Variants in PKHD1 observed in about 807,000 individuals in gnomAD.
The protein encoded by PKHD1 is PKHD1 ciliary IPT domain containing fibrocystin/polyductin, also known as fibrocystin.
In PKHD1, 291 loss-of-function variants were observed where a neutral mutation model predicts 412.0. The observed-to-expected ratio is 0.71, with a 90% CI of 0.64 to 0.78. The LOEUF (loss-of-function observed/expected upper bound fraction) is 0.78. Ranked by LOEUF, PKHD1 falls within the 30% of genes least tolerant of loss-of-function variation. The pLI, the probability that PKHD1 is intolerant of heterozygous loss-of-function variation, is 0.00. For missense variants in PKHD1, 4,825 were observed against 4,950.7 expected (o/e 0.97, Z 0.76); for synonymous variants, 1,777 against 1,821.5 (o/e 0.98, Z 0.62).
At chr6:51,692,350 C>T (rs760036927) in intron 60 of PKHD1, among the ~76,000 whole-genome samples, 1 of 151,712 alleles carries the variant, frequency 6.6e-6, no homozygotes, top group Non-Finnish European at 1.5e-5. Flanking sequence ...CTTAATTGAG[C>T]CTTCAGTACT....
intron 33 of PKHD1, among the ~76,000 whole-genome samples, chr6:52,021,180 T>G (rs1801344696): frequency 6.6e-6 from 1 of 152,232 alleles, no homozygotes; most frequent in South Asian, 2.1e-4. Flanking sequence ...AGTGGCCATA[T>G]AAATAGTTAC....
chr6:51,810,735 A>T (rs1366218778), intron 52 of PKHD1, among the ~76,000 whole-genome samples: 2 of 152,188 alleles, frequency 1.3e-5, no homozygotes, highest in Non-Finnish European at 2.9e-5. Flanking sequence ...AAAGACACAG[A>T]GTAGTATAGG....
At chr6:51,885,510 G>A (rs557555415) in intron 45 of PKHD1, among the ~76,000 whole-genome samples, 77 of 152,210 alleles carry the variant, frequency 5.1e-4, no homozygotes, top group African/African-American at 1.5e-3. Flanking sequence ...GTCCCTTCCC[G>A]TTCTTAGCCT....
At chr6:51,903,860 T>TATATATATATATATA (rs1562581856) in intron 42 of PKHD1, 126 bp downstream of exon 42, 1 of 413,920 alleles carries the variant, frequency 2.4e-6, no homozygotes, top group African/African-American at 2.3e-5. Flanking sequence ...TATATATATA[T>TATATATATATATATA]TTAGAAAATA....
chr6:51,923,097 T>A (rs993661911), intron 37 of PKHD1, among the ~76,000 whole-genome samples: 12 of 152,194 alleles, frequency 7.9e-5, no homozygotes, highest in Non-Finnish European at 1.8e-4. Flanking sequence ...TTGCCAAATT[T>A]TTAAGGTAAC....
At chr6:51,718,426 G>A (rs759678958) in intron 60 of PKHD1, among the ~76,000 whole-genome samples, 9 of 152,150 alleles carry the variant, frequency 5.9e-5, no homozygotes, top group Non-Finnish European at 8.8e-5. Context: ...TGTGTCTTAC[G>A]TTTCAACTAA....
chr6:51,830,940 T>A lies in PKHD1; in HGVS notation c.8223A>T (p.Thr2741=), dbSNP rs749978658. The A allele has an allele frequency of 2.5e-6, 4 of 1,611,986 alleles. No homozygotes were observed. Among genetic ancestry groups the A allele is most frequent in the Non-Finnish European group, 3.4e-6 (4 of 1,178,332 alleles). ...CCCAGCCTTCTTCAACACCTTGCCA[T>A]GTTTCAGGGAGGGACCATTTTAAAG... ...ESALKWSLPE[T]WQGVEEGWGG... The change falls in exon 52 of 67, where the codon ACA becomes ACT. Residue 2741 remains threonine (T), a synonymous_variant. Coordinates refer to ENST00000371117, the MANE Select transcript of PKHD1 (RefSeq NM_138694.4).
At chr6:51,827,277 G>A (rs565733908) in intron 52 of PKHD1, among the ~76,000 whole-genome samples, 1 of 152,200 alleles carries the variant, frequency 6.6e-6, no homozygotes, top group South Asian at 2.1e-4. Context: ...GAAAAATGAA[G>A]GAAAAGAGCA....
rs776468962 is a variant in PKHD1, at chr6:52,024,583, C to G, written c.5227G>C (p.Glu1743Gln). 1.9e-6 allele frequency: 3 copies of G among 1,614,028 alleles called. No homozygotes were observed. Among genetic ancestry groups the G allele is most frequent in the Non-Finnish European group, 2.5e-6 (3 of 1,179,988 alleles). The change falls in exon 32 of 67, where the codon GAG (glutamate) becomes CAG (glutamine). Residue 1743 changes from glutamate (E) to glutamine (Q), a missense_variant. Glu to Gln is a conservative substitution (Grantham distance 29, BLOSUM62 2). Transcript: ENST00000371117. ...TATTTGCTTGACTTACCGAAGTTCT[C>G]CGTCACTGCTGTAATAATAACTCTT... Reference protein sequence around the residue: ...TSRVIITAVTENFGCLGGRLV... With the variant: ...TSRVIITAVTQNFGCLGGRLV...
intron 43 of PKHD1, among the ~76,000 whole-genome samples, chr6:51,892,396 T>C (rs1231136117): frequency 6.6e-6 from 1 of 152,212 alleles, no homozygotes; most frequent in Non-Finnish European, 1.5e-5. Context: ...CTACGGAACA[T>C]TTAACAGCCT....
chr6:51,838,283 A>G (rs1769589185), intron 50 of PKHD1, among the ~76,000 whole-genome samples: 1 of 152,200 alleles, frequency 6.6e-6, no homozygotes, highest in African/African-American at 2.4e-5. Flanking sequence ...ATGAGACCAG[A>G]TATTGCTAGA....
At chr6:52,042,750 A>C (rs1805117529) in intron 27 of PKHD1, 109 bp downstream of exon 27, 2 of 982,202 alleles carry the variant, frequency 2.0e-6, no homozygotes, top group South Asian at 2.7e-5. Flanking sequence ...AACAAAAGAC[A>C]GTGAGTCACA....
chr6:51,841,212 T>C (rs1770126219), intron 50 of PKHD1, among the ~76,000 whole-genome samples: 1 of 152,208 alleles, frequency 6.6e-6, no homozygotes, highest in South Asian at 2.1e-4. Context: ...GATGGTATAC[T>C]AGAAAAAGCA....
At chr6:51,620,178 T>C (rs957452937) in intron 66 of PKHD1, among the ~76,000 whole-genome samples, 2 of 152,246 alleles carry the variant, frequency 1.3e-5, no homozygotes, top group African/African-American at 4.8e-5. Flanking sequence ...ATTTAATTTA[T>C]TCTCAGGTGC....
intron 29 of PKHD1, among the ~76,000 whole-genome samples, chr6:52,031,769 A>G (rs748777051): frequency 1.3e-5 from 2 of 152,214 alleles, no homozygotes; most frequent in Non-Finnish European, 2.9e-5. Context: ...CCAAAAGGCT[A>G]CGACACTTCG....
chr6:51,919,718 G>A (rs1784393768), intron 37 of PKHD1, among the ~76,000 whole-genome samples: 1 of 152,168 alleles, frequency 6.6e-6, no homozygotes, highest in Admixed American at 6.5e-5. Context: ...CTTACCTTGG[G>A]CAGTATGGCC....
chr6:52,068,063 T>C (rs1033099755), intron 11 of PKHD1, among the ~76,000 whole-genome samples: 10 of 152,098 alleles, frequency 6.6e-5, no homozygotes, highest in Non-Finnish European at 1.2e-4. Context: ...TGAACAGATA[T>C]GGAAAGGAGG....
intron 52 of PKHD1, among the ~76,000 whole-genome samples, chr6:51,830,014 A>C (rs559066086): frequency 1.3e-5 from 2 of 152,188 alleles, no homozygotes; most frequent in Non-Finnish European, 2.9e-5. Flanking sequence ...TAGTTGGTAC[A>C]TGGAAAACAG....
chr6:52,084,254 A>T (rs552777436), intron 2 of PKHD1, among the ~76,000 whole-genome samples: 18 of 152,376 alleles, frequency 1.2e-4, no homozygotes, highest in Non-Finnish European at 2.2e-4. Context: ...CTCATGATGC[A>T]CTTCACATCT....
Sources: gnomAD v4.1 joint callset for allele counts (sites outside exome capture counted in the v4.1 genomes callset) on GRCh38, gnomAD v4.1.1 for gene constraint, MANE v1.5 for transcripts, NCBI Gene and HGNC (gene_info 2026-07-23, HGNC 2026-07-21) for gene names.